The following ANK1 variants were observed in gnomAD, a reference collection of about 807,000 sequenced individuals.
ANK1 encodes the protein ankyrin 1.
In ANK1, 51 loss-of-function variants were observed where a neutral mutation model predicts 210.4. That is an observed-to-expected ratio of 0.24 (90% CI 0.19 to 0.31). The LOEUF (loss-of-function observed/expected upper bound fraction) is 0.31, where lower values mean the gene tolerates loss of function less well. ANK1 is among the 10% of genes least tolerant of loss of function. ANK1 has a pLI of 1.00. For missense variants in ANK1, 2,051 were observed against 2,504.4 expected (o/e 0.82, Z 3.86); for synonymous variants, 967 against 1,025.9 (o/e 0.94, Z 1.10).
rs1019444933 is a variant in ANK1, at chr8:41,665,232, G to A, written c.5395-1490C>T. 2.0e-6 allele frequency: 3 copies of A among 1,517,810 alleles called. No homozygotes were observed. The African/African-American group carries it at 4.1e-5, about 21-fold the overall frequency. The allele number at this position is 1,517,810 out of a possible 1,614,324, so 94.0% of individuals were successfully genotyped here. A position where few individuals can be genotyped will look rare whatever the true frequency, so the allele number is the denominator to read the frequency against. On this transcript the variant is annotated intron_variant, in intron 39 of 42. Coordinates refer to ENST00000289734, the MANE Select transcript of ANK1 (RefSeq NM_000037.4). ...TGGCCCTCTCGGCTGAAGCAGCCCG[G>A]CCCAAGTGCCCTTCTGCCCAGCAGC...
chr8:41,683,777 T>C (rs1326396032), intron 37 of ANK1, among the ~76,000 whole-genome samples: 1 of 152,166 alleles, frequency 6.6e-6, no homozygotes, highest in Non-Finnish European at 1.5e-5. Flanking sequence ...TCGCTGTTTA[T>C]GTGCCCGCTG....
intron 1 of ANK1, among the ~76,000 whole-genome samples, chr8:41,819,238 A>T (rs1390694684): frequency 6.6e-6 from 1 of 152,168 alleles, no homozygotes; most frequent in Non-Finnish European, 1.5e-5. Context: ...CGGGAGACAA[A>T]GGACTTCAGG....
intron 36 of ANK1, 90 bp downstream of exon 36, chr8:41,686,062 A>G: frequency 1.9e-6 from 3 of 1,582,868 alleles, no homozygotes; most frequent in Non-Finnish European, 1.7e-6. Flanking sequence ...CTGACTCCAG[A>G]GGCCAGTGTC....
At chr8:41,840,670 C>G (rs984051064) in intron 1 of ANK1, among the ~76,000 whole-genome samples, 2 of 152,202 alleles carry the variant, frequency 1.3e-5, no homozygotes, top group African/African-American at 2.4e-5. Flanking sequence ...ATCACGGGAG[C>G]TCTACCCTCA....
chr8:41,797,811 C>T (rs1415808882), upstream of ANK1, among the ~76,000 whole-genome samples: 2 of 151,984 alleles, frequency 1.3e-5, no homozygotes, highest in Non-Finnish European at 2.9e-5. The surrounding 1 kb of genome is among the most constrained non-coding windows in gnomAD (Gnocchi z 4.0). Flanking sequence ...CCGGCGCGGA[C>T]CCCTGGTTGC....
At chr8:41,805,084 CGT>C (rs888671837) in intron 1 of ANK1, among the ~76,000 whole-genome samples, 38 of 133,992 alleles carry the variant, frequency 2.8e-4, no homozygotes, top group African/African-American at 4.2e-4. Flanking sequence ...GTGTGTGTGT[CGT>C]GTGTGTGTGT....
chr8:41,695,634 CACCTG>C (rs1202404073), intron 26 of ANK1, among the ~76,000 whole-genome samples: 1 of 152,258 alleles, frequency 6.6e-6, no homozygotes, highest in Non-Finnish European at 1.5e-5. Context: ...TCCAAAAATC[CACCTG>C]ACATCCCTAG....
chr8:41,723,851 G>A (rs1396129076), intron 7 of ANK1, among the ~76,000 whole-genome samples: 4 of 149,230 alleles, frequency 2.7e-5, no homozygotes, highest in Non-Finnish European at 4.4e-5. Context: ...GTGCAGTGGC[G>A]CGATCTCGAC....
At chr8:41,680,526 T>C (rs1435084422) in intron 37 of ANK1, among the ~76,000 whole-genome samples, 4 of 149,184 alleles carry the variant, frequency 2.7e-5, no homozygotes, top group Non-Finnish European at 4.4e-5. Context: ...GATCGCACCA[T>C]TGCACTCCAG....
intron 1 of ANK1, among the ~76,000 whole-genome samples, chr8:41,859,063 A>G (rs756853975): frequency 7.2e-5 from 11 of 152,204 alleles, no homozygotes; most frequent in Admixed American, 2.0e-4. Flanking sequence ...GGGCCTCAGG[A>G]ACAGGACGCT....
intron 2 of ANK1, among the ~76,000 whole-genome samples, chr8:41,748,427 G>C (rs536164617): frequency 1.8e-4 from 27 of 152,290 alleles, no homozygotes; most frequent in African/African-American, 6.3e-4. Context: ...GATCTATACA[G>C]ATCTAGCTCT....
chr8:41,741,948 C>T lies in ANK1; in HGVS notation c.130-7879G>A, dbSNP rs373355275. The stretch of plus-strand genomic sequence containing the variant: ...TTTTGGCAAAAATCTTCATGCCAAG[C>T]ACACACACCTAGAGCTGTGCACCTG... On this transcript the variant is annotated intron_variant, in intron 2 of 42. Transcript: ENST00000289734. Among the ~76,000 whole-genome samples, 12 of 152,306 alleles carry T rather than the reference C, an allele frequency of 7.9e-5. 1 individual carries two copies. Among genetic ancestry groups the T allele is most frequent in the African/African-American group, 2.9e-4 (12 of 41,558 alleles).
At chr8:41,762,109 C>T (rs1840619170) in intron 1 of ANK1, among the ~76,000 whole-genome samples, 2 of 152,230 alleles carry the variant, frequency 1.3e-5, no homozygotes, top group Admixed American at 1.3e-4. Flanking sequence ...TCATGAGGCA[C>T]ACTCATCTCG....
intron 1 of ANK1, among the ~76,000 whole-genome samples, chr8:41,872,969 A>G (rs1815849519): frequency 6.6e-6 from 1 of 152,206 alleles, no homozygotes; most frequent in South Asian, 2.1e-4. Flanking sequence ...TAAAAACACA[A>G]TATTAAATCC....
chr8:41,710,680 TGG>T (rs1181155149), intron 16 of ANK1, among the ~76,000 whole-genome samples: 1 of 152,200 alleles, frequency 6.6e-6, no homozygotes, highest in Non-Finnish European at 1.5e-5. Context: ...CTGCCCAACG[TGG>T]GATCTGTCTC....
At chr8:41,700,569 T>G (rs1822482955) in intron 22 of ANK1, 1 of 1,081,850 alleles carries the variant, frequency 9.2e-7, no homozygotes, top group South Asian at 1.3e-5. Context: ...GTTGACAAAG[T>G]TATACAACCA....
Position 41,672,443 on chromosome 8 carries a change from T to C in ANK1, c.5007A>G (p.Glu1669=), listed in dbSNP as rs1375803638. 1.2e-6 allele frequency: 2 copies of C among 1,614,188 alleles called. No individual in the cohort carries two copies. Among genetic ancestry groups the C allele is most frequent in the Admixed American group, 1.7e-5 (1 of 60,024 alleles). ...TCTGATGGCCTGAAACAAGAGACAC[T>C]TCATTCTCTGAGTCCTGCCCTGCAC... ...ATGAGQDSEN[E]VSLVSGHQRG... The change falls in exon 38 of 43, where the codon GAA becomes GAG. Residue 1669 remains glutamate (E), a synonymous_variant. Coordinates refer to ENST00000289734, the MANE Select transcript of ANK1 (RefSeq NM_000037.4).
At chr8:41,712,352 C>A (rs751925001) in intron 16 of ANK1, among the ~76,000 whole-genome samples, 11 of 152,252 alleles carry the variant, frequency 7.2e-5, no homozygotes, top group Admixed American at 1.3e-4. Flanking sequence ...AGGCCAGCCC[C>A]CTGTCCTGCC....
At chr8:41,742,029 C>T (rs188236496) in intron 2 of ANK1, among the ~76,000 whole-genome samples, 1 of 152,186 alleles carries the variant, frequency 6.6e-6, no homozygotes, top group African/African-American at 2.4e-5. Context: ...GAAAAGCGAT[C>T]TGTGTGATGG....
Sources: gnomAD v4.1 joint callset for allele counts (sites outside exome capture counted in the v4.1 genomes callset) on GRCh38, gnomAD v4.1.1 for gene constraint, Gnocchi (gnomAD v3.1) non-coding constraint, MANE v1.5 for transcripts, NCBI Gene and HGNC (gene_info 2026-07-23, HGNC 2026-07-21) for gene names.